RAB3B: variants seen among roughly 807,000 people sequenced by gnomAD.
The protein encoded by RAB3B is ras-related protein Rab-3B.
RAB3B carries 11 observed loss-of-function variants against 20.5 expected under a neutral mutation model. That is an observed-to-expected ratio of 0.54 (90% CI 0.34 to 0.89). The LOEUF (loss-of-function observed/expected upper bound fraction) is 0.89. RAB3B is among the 40% of genes least tolerant of loss of function. The pLI, the probability that RAB3B is intolerant of heterozygous loss-of-function variation, is 0.02. For missense variants in RAB3B, 225 were observed against 280.9 expected (o/e 0.80, Z 1.42); for synonymous variants, 99 against 106.3 (o/e 0.93, Z 0.42).
chr1:51,966,335 G>A (rs769531318), intron 2 of RAB3B, among the ~76,000 whole-genome samples: 20 of 152,114 alleles, frequency 1.3e-4, no homozygotes, highest in Non-Finnish European at 2.6e-4. Context: ...TTATTACATC[G>A]CTTTTATCAC....
chr1:51,962,913 C>T (rs1286985996), intron 2 of RAB3B, among the ~76,000 whole-genome samples: 4 of 151,948 alleles, frequency 2.6e-5, no homozygotes, highest in Non-Finnish European at 5.9e-5. Flanking sequence ...GCTTTCATAT[C>T]ACTCTCTTTC....
intron 4 of RAB3B, among the ~76,000 whole-genome samples, chr1:51,927,161 C>A (rs1684255763): frequency 6.6e-6 from 1 of 152,200 alleles, no homozygotes; most frequent in South Asian, 2.1e-4. Flanking sequence ...AGAAAACACA[C>A]ACACACACAC....
At chr1:51,973,646 T>C (rs993647222) in intron 2 of RAB3B, 6 of 152,230 alleles carry the variant, frequency 3.9e-5, no homozygotes, top group African/African-American at 1.2e-4. Flanking sequence ...AGCATAGTCT[T>C]CAATCAGAGG....
chr1:51,943,988 T>C (rs552920212), intron 2 of RAB3B, among the ~76,000 whole-genome samples: 2 of 152,360 alleles, frequency 1.3e-5, no homozygotes, highest in Non-Finnish European at 2.9e-5. Flanking sequence ...ATTTTCAATG[T>C]AGACAAAACA....
At chr1:51,963,269 T>C (rs1684806611) in intron 2 of RAB3B, among the ~76,000 whole-genome samples, 1 of 152,236 alleles carries the variant, frequency 6.6e-6, no homozygotes, top group African/African-American at 2.4e-5. Flanking sequence ...GCATCAACAG[T>C]CTTCTTTCCC....
At chr1:51,964,148 C>A (rs1379109078) in intron 2 of RAB3B, among the ~76,000 whole-genome samples, 1 of 152,166 alleles carries the variant, frequency 6.6e-6, no homozygotes, top group Non-Finnish European at 1.5e-5. Context: ...ACCAGGCTTT[C>A]ACCCCTCCTA....
chr1:51,955,976 C>A (rs1231974157), intron 2 of RAB3B, among the ~76,000 whole-genome samples: 2 of 152,168 alleles, frequency 1.3e-5, no homozygotes, highest in Non-Finnish European at 2.9e-5. Flanking sequence ...AAAGCAAATG[C>A]CTTGAAATTT....
intron 4 of RAB3B, among the ~76,000 whole-genome samples, chr1:51,928,370 G>A (rs1436484140): frequency 2.6e-5 from 4 of 152,202 alleles, no homozygotes; most frequent in Admixed American, 6.5e-5. Context: ...GCCTCCCAGA[G>A]TGCTGGGATT....
intron 1 of RAB3B, chr1:51,980,537 A>G: frequency 1.3e-6 from 1 of 744,110 alleles, no homozygotes; most frequent in Admixed American, 1.7e-5. Context: ...CAGCCTATTC[A>G]CTGGATGAAC....
At chr1:51,941,842 A>T (rs907641606) in intron 2 of RAB3B, among the ~76,000 whole-genome samples, 1 of 152,210 alleles carries the variant, frequency 6.6e-6, no homozygotes, top group Non-Finnish European at 1.5e-5. Context: ...GTTCTGGAAG[A>T]TATTTTCTCC....
At chr1:51,938,133 T>C (rs1684437399) in intron 2 of RAB3B, among the ~76,000 whole-genome samples, 1 of 151,700 alleles carries the variant, frequency 6.6e-6, no homozygotes, top group African/African-American at 2.4e-5. Flanking sequence ...TCCGAGTAGC[T>C]GGGATTAAGG....
At chr1:51,967,521 C>CTTTTTTTTTTTTTTCT (rs1684871635) in intron 2 of RAB3B, among the ~76,000 whole-genome samples, 1 of 36,496 alleles carries the variant, frequency 2.7e-5, no homozygotes, top group Non-Finnish European at 5.7e-5. Flanking sequence ...TTTTCTTTTT[C>CTTTTTTTTTTTTTTCT]TTTTTTTTTT....
Position 51,933,356 on chromosome 1 carries a change from A to G in RAB3B, c.434T>C (p.Val145Ala). ...AAGGAGCTGGCCCTTCTCAGTGGGA[A>G]CAACCCTCTCTTCCTCCATGTCACA... ...NKCDMEEERV[V>A]PTEKGQLLAE... Residue 145 changes from valine to alanine, a missense_variant, in exon 4 of 5, where the codon GTT becomes GCT. Physicochemically the swap from Val to Ala is moderately conservative, Grantham distance 64. Transcript: ENST00000371655. 1 of 1,614,032 alleles carries G rather than the reference A, an allele frequency of 6.2e-7. No homozygotes were observed. The highest frequency in any genetic ancestry group is 1.1e-5 in the South Asian group (1 of 91,066).
chr1:51,964,422 C>A (rs959952994), intron 2 of RAB3B, among the ~76,000 whole-genome samples: 1 of 151,556 alleles, frequency 6.6e-6, no homozygotes, highest in Non-Finnish European at 1.5e-5. Context: ...GTCTGTGAAC[C>A]TTTTCTTCTT....
chr1:51,914,901 T>C lies in RAB3B; in HGVS notation c.*5026A>G, dbSNP rs1274208423. 6.6e-6 allele frequency: 1 copy of C among 152,126 alleles called. No individual in the cohort carries two copies. Among genetic ancestry groups the C allele is most frequent in the Non-Finnish European group, 1.5e-5 (1 of 68,010 alleles). The allele number at this position is 152,126 out of a possible 1,614,324, so 9.4% of individuals were successfully genotyped here. ...CTTAGTGGCCGGCAGGAGCAGGTGA[T>C]ATGAGTTGGGGAGTCAGGTCTGGAG... On this transcript the variant is annotated 3_prime_UTR_variant, in exon 5 of 5. Transcript: ENST00000371655.
At chr1:51,925,940 G>A (rs1027049003) in intron 4 of RAB3B, among the ~76,000 whole-genome samples, 3 of 152,222 alleles carry the variant, frequency 2.0e-5, no homozygotes, top group Non-Finnish European at 4.4e-5. Context: ...ATGAGAGCAG[G>A]AGTCACAGTA....
At chr1:51,934,775 C>CA (rs34750673) in intron 3 of RAB3B, among the ~76,000 whole-genome samples, 16,024 of 69,652 alleles carry the variant, frequency 0.23, 2,017 homozygotes, top group Non-Finnish European at 0.29. Context: ...GACTCCATCT[C>CA]AAAAAAAAAA....
At chr1:51,978,542 T>C (rs1285405130) in intron 1 of RAB3B, among the ~76,000 whole-genome samples, 1 of 152,242 alleles carries the variant, frequency 6.6e-6, no homozygotes, top group Non-Finnish European at 1.5e-5. Context: ...TCTGTCACCA[T>C]CTGCTTTCCT....
intron 2 of RAB3B, among the ~76,000 whole-genome samples, chr1:51,948,969 T>C (rs1164152466): frequency 1.3e-5 from 2 of 152,178 alleles, no homozygotes; most frequent in African/African-American, 4.8e-5. Context: ...CTGTAACAAT[T>C]TGGATAGAGC....
Sources: allele counts gnomAD v4.1 joint callset (sites outside exome capture counted in the v4.1 genomes callset), GRCh38; gene constraint gnomAD v4.1.1; transcripts MANE v1.5; gene names NCBI Gene and HGNC (gene_info 2026-07-23, HGNC 2026-07-21).